Variants in THADA observed in about 807,000 individuals in gnomAD.
THADA encodes THADA armadillo repeat containing.
In THADA, 213 loss-of-function variants were observed where a neutral mutation model predicts 219.8. The observed-to-expected ratio is 0.97, with a 90% CI of 0.87 to 1.09. The LOEUF (loss-of-function observed/expected upper bound fraction) is 1.09. Among genes scored for constraint, THADA ranks in the 50% least tolerant of loss-of-function variants. The pLI, the probability that THADA is intolerant of heterozygous loss-of-function variation, is 0.00. For missense variants in THADA, 2,956 were observed against 2,311.3 expected, an observed-to-expected ratio of 1.28 and a Z score of -5.72; for synonymous variants, 1,018 against 828.9, an observed-to-expected ratio of 1.23 and a Z score of -3.92.
chr2:43,260,532 G>A (rs1490581318), intron 36 of THADA, among the ~76,000 whole-genome samples: 1 of 152,160 alleles, frequency 6.6e-6, no homozygotes, highest in Admixed American at 6.5e-5. Context: ...CTTGAGCCCA[G>A]GAGGTACAAT....
intron 19 of THADA, among the ~76,000 whole-genome samples, chr2:43,549,942 C>T (rs1328177010): frequency 6.6e-6 from 1 of 151,800 alleles, no homozygotes; most frequent in Non-Finnish European, 1.5e-5. Flanking sequence ...ACAGGAATAT[C>T]GTAACGACTC....
intron 28 of THADA, among the ~76,000 whole-genome samples, chr2:43,400,993 C>T (rs188611382): frequency 6.6e-6 from 1 of 152,198 alleles, no homozygotes; most frequent in Admixed American, 6.5e-5. Context: ...ATCGGATAGC[C>T]TCTGTCTCTC....
intron 21 of THADA, among the ~76,000 whole-genome samples, chr2:43,532,505 T>A (rs1438153449): frequency 6.7e-6 from 1 of 149,760 alleles, no homozygotes. Flanking sequence ...AAAAACCACA[T>A]GATTATCTCA....
intron 36 of THADA, among the ~76,000 whole-genome samples, chr2:43,235,031 G>A (rs1266848402): frequency 2.0e-5 from 3 of 150,996 alleles, no homozygotes; most frequent in South Asian, 4.2e-4. Context: ...CCAGGCTTGT[G>A]TGCAGTGGCG....
chr2:43,438,785 T>C (rs1357002150), intron 26 of THADA, among the ~76,000 whole-genome samples: 5 of 152,232 alleles, frequency 3.3e-5, no homozygotes, highest in Admixed American at 6.5e-5. Flanking sequence ...GTATATACTA[T>C]GCTTTTTCCT....
intron 14 of THADA, among the ~76,000 whole-genome samples, chr2:43,568,458 T>C (rs961812183): frequency 6.6e-6 from 1 of 152,090 alleles, no homozygotes; most frequent in Non-Finnish European, 1.5e-5. Flanking sequence ...AAGCCACAGG[T>C]GTACCAGTAG....
intron 29 of THADA, among the ~76,000 whole-genome samples, chr2:43,390,529 C>T (rs1219885764): frequency 6.6e-6 from 1 of 152,154 alleles, no homozygotes; most frequent in Non-Finnish European, 1.5e-5. Flanking sequence ...TTCTGACATG[C>T]CAACTGCCCT....
chr2:43,305,477 G>A (rs1676748181), intron 31 of THADA, among the ~76,000 whole-genome samples: 1 of 152,150 alleles, frequency 6.6e-6, no homozygotes, highest in Non-Finnish European at 1.5e-5. Context: ...TTACACAGGT[G>A]TGGCCCCCAT....
intron 15 of THADA, 31 bp from the exon 16 acceptor site, chr2:43,560,416 A>C: frequency 6.9e-7 from 1 of 1,439,968 alleles, no homozygotes; most frequent in Non-Finnish European, 9.2e-7. Context: ...AAAAGATTTA[A>C]AAGTGAACAA....
chr2:43,427,152 C>A (rs1678549103), intron 28 of THADA, among the ~76,000 whole-genome samples: 2 of 152,104 alleles, frequency 1.3e-5, no homozygotes, highest in Non-Finnish European at 2.9e-5. Flanking sequence ...ATGGCATTAC[C>A]ATTTACATGC....
At chr2:43,313,819 G>A (rs1004926239) in intron 31 of THADA, among the ~76,000 whole-genome samples, 20 of 152,228 alleles carry the variant, frequency 1.3e-4, no homozygotes, top group Admixed American at 5.9e-4. Flanking sequence ...TTCCCTAAGC[G>A]AGTGACTGAT....
intron 34 of THADA, among the ~76,000 whole-genome samples, chr2:43,290,342 C>G (rs1452935629): frequency 6.6e-6 from 1 of 151,996 alleles, no homozygotes; most frequent in Non-Finnish European, 1.5e-5. Flanking sequence ...CCCTCCACCC[C>G]ACCTGACTTT....
intron 28 of THADA, among the ~76,000 whole-genome samples, chr2:43,421,201 TC>T (rs1028240452): frequency 1.3e-5 from 2 of 152,164 alleles, no homozygotes; most frequent in African/African-American, 4.8e-5. Flanking sequence ...AACAATCTGG[TC>T]CCAAGCCTGA....
In THADA at chr2:43,232,886, C is replaced by G. The variant is rs750034429; in HGVS notation, c.5297-4G>C. The G allele has an allele frequency of 6.2e-7, 1 of 1,606,502 alleles. No homozygotes were observed. The highest frequency in any genetic ancestry group is 8.5e-7 in the Non-Finnish European group (1 of 1,176,880). On this transcript the variant is annotated splice_polypyrimidine_tract_variant and splice_region_variant and intron_variant, in intron 36 of 37. Coordinates refer to ENST00000405975, the MANE Select transcript of THADA (RefSeq NM_022065.5). ...TCCACCTGGCAGAAGGCAAACTCTG[C>G]AAAGACAGGAGAAAGGTGAGCAATG... is the stretch of plus-strand genomic sequence containing the variant.
intron 26 of THADA, among the ~76,000 whole-genome samples, chr2:43,451,755 T>C (rs1682367053): frequency 6.6e-6 from 1 of 152,242 alleles, no homozygotes; most frequent in Admixed American, 6.5e-5. Flanking sequence ...GTCAGGAATG[T>C]GTACTAAACA....
chr2:43,415,994 T>A (rs1028403118), intron 28 of THADA, among the ~76,000 whole-genome samples: 10 of 152,240 alleles, frequency 6.6e-5, no homozygotes, highest in African/African-American at 1.9e-4. Flanking sequence ...ATGATTGAAT[T>A]ATAATAATTA....
intron 22 of THADA, among the ~76,000 whole-genome samples, chr2:43,525,309 C>T (rs1318741666): frequency 1.3e-5 from 2 of 152,194 alleles, no homozygotes; most frequent in Non-Finnish European, 2.9e-5. Flanking sequence ...CACAACATCT[C>T]CTATCTGCGT....
At chr2:43,335,245 C>A (rs1339724361) in intron 30 of THADA, among the ~76,000 whole-genome samples, 1 of 152,150 alleles carries the variant, frequency 6.6e-6, no homozygotes, top group Non-Finnish European at 1.5e-5. Context: ...TACTGCCATG[C>A]AAAACCCTCA....
chr2:43,548,124 G>C (rs1286711184), intron 20 of THADA, among the ~76,000 whole-genome samples: 2 of 152,274 alleles, frequency 1.3e-5, no homozygotes, highest in East Asian at 1.9e-4. Context: ...GTTTGCTAGA[G>C]GTCCACTCCA....
Sources: allele counts gnomAD v4.1 joint callset (sites outside exome capture counted in the v4.1 genomes callset), GRCh38; gene constraint gnomAD v4.1.1; transcripts MANE v1.5; gene names NCBI Gene and HGNC (gene_info 2026-07-23, HGNC 2026-07-21).